Variants in SEC16B observed in about 807,000 individuals in gnomAD.
SEC16B encodes protein transport protein Sec16B.
Under a neutral mutation model 141.8 loss-of-function variants are expected in SEC16B, and 115 were observed. The observed-to-expected ratio is 0.81, with a 90% CI of 0.70 to 0.95. SEC16B has a LOEUF of 0.95. Ranked by LOEUF, SEC16B falls within the 40% of genes least tolerant of loss-of-function variation. The pLI, the probability that SEC16B is intolerant of heterozygous loss-of-function variation, is 0.00. For missense variants in SEC16B, 1,291 were observed against 1,312.3 expected (o/e 0.98, Z 0.25); for synonymous variants, 493 against 492.5 (o/e 1.00, Z -0.01).
chr1:177,948,263 G>C, intron 12 of SEC16B: 1 of 1,123,066 alleles, frequency 8.9e-7, no homozygotes, highest in South Asian at 1.6e-5. Context: ...GATAGCTAGA[G>C]ACAAAACTCA....
chr1:177,967,586 AG>A, intron 2 of SEC16B, 96 bp downstream of exon 2: 2 of 1,274,936 alleles, frequency 1.6e-6, no homozygotes, highest in Non-Finnish European at 2.1e-6. Context: ...AAAAGAAAAA[AG>A]GGGGAGAAAA....
At chr1:177,968,207 G>A (rs1653709522) in intron 1 of SEC16B, among the ~76,000 whole-genome samples, 168 bp from the exon 2 acceptor site, 2 of 152,162 alleles carry the variant, frequency 1.3e-5, no homozygotes, top group South Asian at 2.1e-4. Flanking sequence ...GATACATGAA[G>A]CAAATAACAG....
intron 2 of SEC16B, 43 bp downstream of exon 2, chr1:177,967,640 G>T: frequency 1.3e-6 from 2 of 1,482,600 alleles, no homozygotes; most frequent in Non-Finnish European, 1.8e-6. Flanking sequence ...CTATTCATAC[G>T]CATTTAGGAG....
At chr1:177,933,359 C>T in intron 21 of SEC16B, 47 bp from the exon 22 acceptor site, 1 of 1,562,136 alleles carries the variant, frequency 6.4e-7, no homozygotes, top group Non-Finnish European at 8.7e-7. Context: ...TGGCTTCTTC[C>T]CCAACTATGA....
intron 18 of SEC16B, 85 bp downstream of exon 18, chr1:177,939,617 C>G: frequency 8.5e-7 from 1 of 1,179,144 alleles, no homozygotes; most frequent in South Asian, 1.3e-5. Flanking sequence ...AAGCAAAGGG[C>G]GAGTGCTTTC....
chr1:177,980,287 T>C (rs1293405058), intron 1 of SEC16B, among the ~76,000 whole-genome samples: 2 of 152,140 alleles, frequency 1.3e-5, no homozygotes, highest in East Asian at 3.9e-4. Context: ...CCTGGGAGAA[T>C]TTTTTTTAAT....
chr1:177,970,998 A>G (rs1389688694), upstream of SEC16B, among the ~76,000 whole-genome samples: 3 of 151,966 alleles, frequency 2.0e-5, no homozygotes, highest in African/African-American at 7.3e-5. Flanking sequence ...CATGTACCTA[A>G]GCTACAAGAT....
At position 177,960,916 on chromosome 1, in the gene SEC16B, C is replaced by T. The variant is rs1174436727; in HGVS notation, c.811G>A (p.Ala271Thr). ...TGAGGGATGTAGAACTTCATGGGTG[C>T]TTTGGGACCAGCTGAGGAGACATCT... ...QADVSSAGPK[A>T]PMKFYIPHVP... is the part of the protein sequence containing the mutation. The change falls in exon 7 of 26, where the codon GCA becomes ACA. Residue 271 changes from alanine (A) to threonine (T), a missense_variant. Ala to Thr is a moderately conservative substitution (Grantham distance 58). Transcript: ENST00000308284. 6.2e-7 allele frequency: 1 copy of T among 1,613,932 alleles called. No homozygotes were observed. The highest frequency in any genetic ancestry group is 1.1e-5 in the South Asian group (1 of 91,080).
rs1255309693 is a variant in SEC16B at position 177,940,545 on chromosome 1, T to G, written c.2127+65A>C. On this transcript the variant is annotated intron_variant, in intron 17 of 25. Coordinates refer to ENST00000308284, the MANE Select transcript of SEC16B (RefSeq NM_033127.4). ...AATGTCAGTGCCTACCTGTTCCATG[T>G]CTAGGGGTGGGAAGAGGGAAACAAA... 5.2e-6 allele frequency: 6 copies of G among 1,150,746 alleles called. No homozygotes were observed. The Admixed American group carries it at 7.1e-5, about 14-fold the overall frequency. 71.3% of individuals were successfully genotyped at this position (1,150,746 alleles called of 1,614,324 possible). A position where few individuals can be genotyped will look rare whatever the true frequency, so the allele number is the denominator to read the frequency against.
rs533637872 is a variant in SEC16B, at chr1:177,938,052, G to A, written c.2204-539C>T. Among the ~76,000 whole-genome samples the A allele has an allele frequency of 4.6e-5, 7 of 152,248 alleles. 1 individual carries two copies. Among genetic ancestry groups the A allele is most frequent in the East Asian group, 3.9e-4 (2 of 5,188 alleles). On this transcript the variant is annotated intron_variant, in intron 18 of 25. Coordinates refer to ENST00000308284, the MANE Select transcript of SEC16B (RefSeq NM_033127.4). The stretch of plus-strand genomic sequence containing the variant: ...CCTTAAGAAAAAACTGCGTTCTCAC[G>A]GCCACAAGGTTTTTTTTCTCTGGCA...
At chr1:177,975,476 G>A (rs532495957) in intron 1 of SEC16B, among the ~76,000 whole-genome samples, 4 of 152,296 alleles carry the variant, frequency 2.6e-5, no homozygotes, top group South Asian at 2.1e-4. Flanking sequence ...GCTGACCTAA[G>A]TGTGGATAAA....
intron 18 of SEC16B, among the ~76,000 whole-genome samples, chr1:177,939,384 A>G (rs1345640932): frequency 6.6e-6 from 1 of 152,262 alleles, no homozygotes; most frequent in Admixed American, 6.5e-5. Context: ...GACTCAAGAA[A>G]TGTATCCAGC....
intron 16 of SEC16B, 42 bp downstream of exon 16, chr1:177,941,858 G>A (rs757281298): frequency 4.4e-6 from 7 of 1,597,616 alleles, no homozygotes; most frequent in Non-Finnish European, 6.0e-6. Flanking sequence ...TCTCTGAATA[G>A]TGAAGATAAA....
At chr1:177,966,093 C>T (rs1653496404) in intron 2 of SEC16B, 88 bp from the exon 3 acceptor site, 2 of 756,666 alleles carry the variant, frequency 2.6e-6, no homozygotes, top group Admixed American at 4.8e-5. Flanking sequence ...TAAACAGGTT[C>T]AGAGGACAGA....
At chr1:177,961,797 C>T in intron 5 of SEC16B, 63 bp from the exon 6 acceptor site, 3 of 1,488,678 alleles carry the variant, frequency 2.0e-6, no homozygotes, top group South Asian at 2.4e-5. Context: ...CTCAAGCGTT[C>T]CTTCAAAGAA....
intron 15 of SEC16B, among the ~76,000 whole-genome samples, chr1:177,943,416 C>A (rs965365439): frequency 6.6e-6 from 1 of 152,210 alleles, no homozygotes; most frequent in African/African-American, 2.4e-5. Context: ...TCAGCACATG[C>A]ATCCCAGAAC....
chr1:177,969,778 ATGACCT>A (rs1176329831), intron 1 of SEC16B, 100 bp downstream of exon 1: 1 of 152,230 alleles, frequency 6.6e-6, no homozygotes, highest in Non-Finnish European at 1.5e-5. Context: ...ATTCATGTAG[ATGACCT>A]TTCCTAGCCC....
intron 11 of SEC16B, 46 bp downstream of exon 11, chr1:177,954,233 G>C: frequency 7.1e-7 from 1 of 1,415,768 alleles, no homozygotes; most frequent in Non-Finnish European, 9.8e-7. Context: ...CTTTGGTGAG[G>C]AGGCCTCTCT....
At position 177,939,689 on chromosome 1, in the gene SEC16B, T is replaced by A. The variant is rs778907935; in HGVS notation, c.2203+13A>T. On this transcript the variant is annotated intron_variant, in intron 18 of 25. Coordinates refer to ENST00000308284, the MANE Select transcript of SEC16B (RefSeq NM_033127.4). The stretch of plus-strand genomic sequence containing the variant: ...GTCAGCTATGTATATGCTCAGTTCA[T>A]CATTTTGGGTACCTGTTGTTGTTCC... 2 of 1,571,948 alleles carry A rather than the reference T, an allele frequency of 1.3e-6. No homozygotes were observed. Among genetic ancestry groups the A allele is most frequent in the Non-Finnish European group, 1.7e-6 (2 of 1,153,004 alleles).
Sources: gnomAD v4.1 joint callset for allele counts (sites outside exome capture counted in the v4.1 genomes callset) on GRCh38, gnomAD v4.1.1 for gene constraint, MANE v1.5 for transcripts, NCBI Gene and HGNC (gene_info 2026-07-23, HGNC 2026-07-21) for gene names.